Variants in SLC2A9 observed in about 807,000 individuals in gnomAD.
SLC2A9 encodes solute carrier family 2, facilitated glucose transporter member 9.
In SLC2A9, 39 loss-of-function variants were observed where a neutral mutation model predicts 50.6. The ratio of observed to expected loss-of-function variants is 0.77; its 90% confidence interval spans 0.60 to 1.01. The LOEUF is 1.01. SLC2A9 is among the 50% of genes least tolerant of loss of function. The pLI, the probability that SLC2A9 is intolerant of heterozygous loss-of-function variation, is 0.00. For synonymous variants in SLC2A9, 324 were observed against 276.9 expected, an observed-to-expected ratio of 1.17 and a Z score of -1.69; for missense variants, 686 against 677.6, an observed-to-expected ratio of 1.01 and a Z score of -0.14.
At chr4:10,038,172 T>C (rs1230786172) in intron 1 of SLC2A9, among the ~76,000 whole-genome samples, 1 of 151,876 alleles carries the variant, frequency 6.6e-6, no homozygotes, top group Non-Finnish European at 1.5e-5. Context: ...ACATAGTATG[T>C]GTATATTTGT....
chr4:10,019,232 C>G lies in SLC2A9; in HGVS notation c.151-159G>C, dbSNP rs369964510. 9 of 654,922 alleles carry G rather than the reference C, an allele frequency of 1.4e-5. No individual in the cohort carries two copies. The South Asian group carries it at 1.4e-4, about 10-fold the overall frequency. 40.6% of individuals were successfully genotyped at this position (654,922 alleles called of 1,614,324 possible). ...GAGAGAAGAGACGCAAGTTGGGGACCTGCAAGTAGGGTTCCAGTCCAGGTC... is the reference window on the plus strand; with the variant it reads ...GAGAGAAGAGACGCAAGTTGGGGACGTGCAAGTAGGGTTCCAGTCCAGGTC... On this transcript the variant is annotated intron_variant, in intron 1 of 11. Transcript: ENST00000264784.
intron 1 of SLC2A9, 57 bp downstream of exon 1, chr4:10,021,223 C>G: frequency 6.3e-7 from 1 of 1,583,660 alleles, no homozygotes; most frequent in Non-Finnish European, 8.7e-7. Flanking sequence ...ACGGCTGCCA[C>G]CCAGGCCTGC....
intron 10 of SLC2A9, chr4:9,880,136 T>C: frequency 7.1e-6 from 7 of 985,480 alleles, no homozygotes; most frequent in Non-Finnish European, 8.4e-6. Flanking sequence ...TGCTCTTCCC[T>C]GTCCACTTAG....
At chr4:9,824,716 T>C (rs1724875310), downstream of SLC2A9, among the ~76,000 whole-genome samples, 1 of 152,248 alleles carries the variant, frequency 6.6e-6, no homozygotes, top group Non-Finnish European at 1.5e-5. Flanking sequence ...GCTAGTGCCT[T>C]GTCTATGATA....
At chr4:9,930,004 G>T (rs1745614391) in intron 6 of SLC2A9, among the ~76,000 whole-genome samples, 1 of 152,160 alleles carries the variant, frequency 6.6e-6, no homozygotes, top group African/African-American at 2.4e-5. Context: ...ACTCTGGGGA[G>T]CTGGGGCTTC....
intron 9 of SLC2A9, 59 bp downstream of exon 9, chr4:9,890,550 TG>T: frequency 2.0e-6 from 3 of 1,525,946 alleles, no homozygotes; most frequent in South Asian, 2.2e-5. Context: ...CCCAAAACGA[TG>T]AAGCCAGAAG....
intron 2 of SLC2A9, among the ~76,000 whole-genome samples, chr4:10,014,287 C>T (rs1023807021): frequency 1.3e-5 from 2 of 152,204 alleles, no homozygotes; most frequent in Non-Finnish European, 2.9e-5. Context: ...CATTTCGCAG[C>T]GACCTCACAA....
chr4:9,951,956 C>T (rs1750357806), intron 5 of SLC2A9, among the ~76,000 whole-genome samples: 1 of 152,236 alleles, frequency 6.6e-6, no homozygotes, highest in Admixed American at 6.5e-5. Context: ...GGCTAAAGCA[C>T]TGTGGCTTCC....
chr4:9,987,845 AAAAG>A (rs1757006431), intron 3 of SLC2A9, among the ~76,000 whole-genome samples: 1 of 152,216 alleles, frequency 6.6e-6, no homozygotes, highest in Admixed American at 6.5e-5. Context: ...AAAGAAAAGA[AAAAG>A]AAAGAAAGAA....
chr4:10,025,814 C>A (rs1763730341), upstream of SLC2A9: 16 of 1,264,162 alleles, frequency 1.3e-5, no homozygotes, highest in Non-Finnish European at 1.8e-5. Flanking sequence ...TTCACCTTAA[C>A]AGCCTCCCAC....
intron 10 of SLC2A9, among the ~76,000 whole-genome samples, chr4:9,841,729 C>T (rs1337685373): frequency 6.6e-6 from 1 of 152,134 alleles, no homozygotes; most frequent in Non-Finnish European, 1.5e-5. Context: ...AAGTGACATG[C>T]ACCGGAACCC....
intron 3 of SLC2A9, among the ~76,000 whole-genome samples, chr4:9,785,238 CTAGA>C (rs1719069486): frequency 6.6e-6 from 1 of 152,200 alleles, no homozygotes. Flanking sequence ...AAGACTTCAA[CTAGA>C]TCACTGTTTA....
At chr4:9,928,906 T>C (rs997576702) in intron 6 of SLC2A9, among the ~76,000 whole-genome samples, 1 of 152,250 alleles carries the variant, frequency 6.6e-6, no homozygotes, top group African/African-American at 2.4e-5. Flanking sequence ...AACTTCTTAC[T>C]ACTCAGCAAG....
intron 3 of SLC2A9, among the ~76,000 whole-genome samples, chr4:9,790,207 G>A (rs1719725741): frequency 6.6e-6 from 1 of 152,184 alleles, no homozygotes; most frequent in Non-Finnish European, 1.5e-5. Flanking sequence ...GCTCCTTCAT[G>A]TATATTGCCC....
At chr4:9,866,238 ATATTAT>A (rs892639210) in intron 10 of SLC2A9, among the ~76,000 whole-genome samples, 15 of 151,090 alleles carry the variant, frequency 9.9e-5, no homozygotes, top group African/African-American at 1.9e-4. Context: ...ATTATTATTA[ATATTAT>A]TATTATTATT....
At chr4:10,016,687 G>GT (rs1437498945) in intron 2 of SLC2A9, among the ~76,000 whole-genome samples, 1 of 152,008 alleles carries the variant, frequency 6.6e-6, no homozygotes, top group Non-Finnish European at 1.5e-5. Context: ...CACCAAAGTT[G>GT]TTTTTCTAAA....
At chr4:10,028,953 C>G (rs919450691) in intron 1 of SLC2A9, 3 of 152,224 alleles carry the variant, frequency 2.0e-5, no homozygotes, top group African/African-American at 7.2e-5. Flanking sequence ...AAGCACTAAT[C>G]ACAGAGCTTC....
intron 6 of SLC2A9, among the ~76,000 whole-genome samples, chr4:9,927,108 C>A (rs370520801): frequency 6.6e-6 from 1 of 151,364 alleles, no homozygotes; most frequent in Non-Finnish European, 1.5e-5. Flanking sequence ...CCACTCACTG[C>A]AACCTCCGCC....
rs539272094 is a variant in SLC2A9 at position 9,828,186 on chromosome 4, C to T, written c.1420-1586G>A. Among the ~76,000 whole-genome samples, 3 of 152,284 alleles carry T rather than the reference C, an allele frequency of 2.0e-5. No individual in the cohort carries two copies. The South Asian group carries it at 6.2e-4, about 32-fold the overall frequency. ...AGGCTGAGCTTCTCTCTCTCTCTCC[C>T]ACCCACATCTGCTCCATCAGGAAAT... On this transcript the variant is annotated intron_variant, in intron 11 of 11. Coordinates refer to ENST00000264784, the MANE Select transcript of SLC2A9 (RefSeq NM_020041.3).
Sources: allele counts gnomAD v4.1 joint callset (sites outside exome capture counted in the v4.1 genomes callset), GRCh38; gene constraint gnomAD v4.1.1; transcripts MANE v1.5; gene names NCBI Gene and HGNC (gene_info 2026-07-23, HGNC 2026-07-21).